Variants in DOK6 observed in about 807,000 individuals in gnomAD.
DOK6 encodes docking protein 6, also known as downstream of tyrosine kinase 6.
A neutral mutation model predicts 44.0 loss-of-function variants in DOK6; 22 were observed. The ratio of observed to expected loss-of-function variants is 0.50; its 90% confidence interval spans 0.36 to 0.71. The LOEUF is 0.71. DOK6 is among the 30% of genes least tolerant of loss of function. The pLI, the probability that DOK6 is intolerant of heterozygous loss-of-function variation, is 0.00. For synonymous variants in DOK6, 166 were observed against 145.5 expected (o/e 1.14, Z -1.01); for missense variants, 340 against 416.4 (o/e 0.82, Z 1.60).
chr18:69,430,957 T>C (rs1427628742), intron 1 of DOK6, among the ~76,000 whole-genome samples: 1 of 152,148 alleles, frequency 6.6e-6, no homozygotes, highest in Non-Finnish European at 1.5e-5. Flanking sequence ...AGAGCGAGTC[T>C]CCGTCTCAAA....
intron 7 of DOK6, among the ~76,000 whole-genome samples, chr18:69,787,184 C>T (rs1623515): frequency 0.46 from 69,624 of 152,058 alleles, 18,185 homozygotes; most frequent in East Asian, 0.64. Context: ...CCACTGCATT[C>T]CAGGCTGGGC....
intron 7 of DOK6, among the ~76,000 whole-genome samples, chr18:69,833,240 G>C (rs1040202576): frequency 6.6e-6 from 1 of 152,054 alleles, no homozygotes; most frequent in Non-Finnish European, 1.5e-5. Context: ...AAGAGTTGAG[G>C]ACCCAGACAT....
chr18:69,455,509 T>C (rs1979610030), intron 1 of DOK6, among the ~76,000 whole-genome samples: 1 of 152,258 alleles, frequency 6.6e-6, no homozygotes, highest in Non-Finnish European at 1.5e-5. Flanking sequence ...ATTCATTCTA[T>C]AAAATACCTC....
At chr18:69,408,858 G>A (rs1175694941) in intron 1 of DOK6, among the ~76,000 whole-genome samples, 1 of 152,154 alleles carries the variant, frequency 6.6e-6, no homozygotes, top group African/African-American at 2.4e-5. Flanking sequence ...CAAAATAGAT[G>A]TATTTAAATT....
intron 2 of DOK6, among the ~76,000 whole-genome samples, chr18:69,576,266 CTA>C (rs1983236554): frequency 6.6e-6 from 1 of 151,534 alleles, no homozygotes; most frequent in Non-Finnish European, 1.5e-5. Flanking sequence ...GAGAAATAGA[CTA>C]GTGTGGATTT....
intron 4 of DOK6, among the ~76,000 whole-genome samples, chr18:69,686,268 T>C (rs1335563064): frequency 6.6e-6 from 1 of 152,198 alleles, no homozygotes; most frequent in East Asian, 1.9e-4. Flanking sequence ...ACCCAGTCTG[T>C]GGTACTTTGT....
At chr18:69,833,814 C>T (rs545412916) in intron 7 of DOK6, among the ~76,000 whole-genome samples, 1 of 152,220 alleles carries the variant, frequency 6.6e-6, no homozygotes, top group Non-Finnish European at 1.5e-5. Flanking sequence ...AAAAGCTCAA[C>T]ATAACTAATC....
chr18:69,545,607 G>T (rs963054565), intron 1 of DOK6, among the ~76,000 whole-genome samples: 8 of 149,804 alleles, frequency 5.3e-5, no homozygotes, highest in African/African-American at 2.0e-4. Context: ...TGCCCATTAT[G>T]AATTTTACAG....
At chr18:69,434,223 A>G (rs1978885701) in intron 1 of DOK6, among the ~76,000 whole-genome samples, 1 of 152,196 alleles carries the variant, frequency 6.6e-6, no homozygotes, top group African/African-American at 2.4e-5. Context: ...CTACCATTCC[A>G]CAAATACCTA....
intron 1 of DOK6, among the ~76,000 whole-genome samples, chr18:69,512,831 C>G (rs4545912): frequency 1.3e-5 from 2 of 151,924 alleles, no homozygotes; most frequent in Non-Finnish European, 2.9e-5. Context: ...ATGCTTTCTA[C>G]GATTATTCTC....
At chr18:69,488,996 G>A (rs1367870386) in intron 1 of DOK6, among the ~76,000 whole-genome samples, 11 of 152,160 alleles carry the variant, frequency 7.2e-5, no homozygotes, top group Admixed American at 7.2e-4. Flanking sequence ...AGTCCATAGG[G>A]TTCACAGAGC....
intron 1 of DOK6, among the ~76,000 whole-genome samples, chr18:69,499,120 C>T (rs779566752): frequency 1.3e-5 from 2 of 151,830 alleles, no homozygotes; most frequent in Non-Finnish European, 2.9e-5. Flanking sequence ...ATGCTGAACA[C>T]AATTTTCAGA....
intron 7 of DOK6, among the ~76,000 whole-genome samples, chr18:69,779,689 C>CGTGTGTGTGTGTGT (rs58775349): frequency 6.8e-6 from 1 of 146,768 alleles, no homozygotes; most frequent in Non-Finnish European, 1.5e-5. Flanking sequence ...CTCTCTGCCC[C>CGTGTGTGTGTGTGT]GTGTGTGTGT....
intron 7 of DOK6, among the ~76,000 whole-genome samples, chr18:69,763,446 A>G (rs1041079800): frequency 3.3e-5 from 5 of 152,226 alleles, no homozygotes; most frequent in African/African-American, 1.2e-4. Context: ...CCGTAAAGGG[A>G]TGAACATGAT....
At chr18:69,623,086 A>G (rs8090223) in intron 3 of DOK6, among the ~76,000 whole-genome samples, 3,657 of 152,202 alleles carry the variant, frequency 0.024, 146 homozygotes, top group African/African-American at 0.083. Flanking sequence ...TGTTCTCATG[A>G]CAGAGTTCTC....
intron 7 of DOK6, among the ~76,000 whole-genome samples, chr18:69,800,926 G>C (rs9962323): frequency 0.19 from 29,203 of 152,014 alleles, 2,993 homozygotes; most frequent in East Asian, 0.28. Context: ...ATGTTCTTCT[G>C]AGTAAAATAA....
At chr18:69,776,862 C>T (rs2045451782) in intron 7 of DOK6, among the ~76,000 whole-genome samples, 1 of 151,870 alleles carries the variant, frequency 6.6e-6, no homozygotes, top group Non-Finnish European at 1.5e-5. Flanking sequence ...CTGTATTAGA[C>T]ATGACATCAG....
intron 1 of DOK6, among the ~76,000 whole-genome samples, chr18:69,432,101 G>A (rs943833559): frequency 4.1e-4 from 62 of 152,150 alleles, no homozygotes; most frequent in African/African-American, 1.5e-3. Context: ...TCACAATATA[G>A]TATACAATTA....
chr18:69,410,310 G>T (rs1291502650), intron 1 of DOK6, among the ~76,000 whole-genome samples: 1 of 152,218 alleles, frequency 6.6e-6, no homozygotes, highest in East Asian at 1.9e-4. Context: ...CACTGAATTG[G>T]CCTGCCTGGA....
Sources: gnomAD v4.1 joint callset for allele counts (sites outside exome capture counted in the v4.1 genomes callset) on GRCh38, gnomAD v4.1.1 for gene constraint, MANE v1.5 for transcripts, NCBI Gene and HGNC (gene_info 2026-07-23, HGNC 2026-07-21) for gene names.